The following TMEM132C variants were observed in gnomAD, a reference collection of about 807,000 sequenced individuals.
TMEM132C encodes transmembrane protein 132C, also known as protein phosphatase 1, regulatory subunit 152.
A neutral mutation model predicts 61.4 loss-of-function variants in TMEM132C; 29 were observed. The ratio of observed to expected loss-of-function variants is 0.47; its 90% CI spans 0.35 to 0.64. The LOEUF (loss-of-function observed/expected upper bound fraction) is 0.64. Ranked by LOEUF, TMEM132C falls within the 30% of genes least tolerant of loss-of-function variation. The pLI, the probability that TMEM132C is intolerant of heterozygous loss-of-function variation, is 0.00. For synonymous variants in TMEM132C, 656 were observed against 633.1 expected (o/e 1.04, Z -0.54); for missense variants, 1,408 against 1,476.9 (o/e 0.95, Z 0.76).
At chr12:128,269,933 C>T (rs1870454814) in intron 1 of TMEM132C, among the ~76,000 whole-genome samples, 1 of 152,038 alleles carries the variant, frequency 6.6e-6, no homozygotes, top group South Asian at 2.1e-4. Flanking sequence ...TTATTTTTGA[C>T]TGTGGATTTA....
chr12:128,629,848 C>T (rs1954051225), intron 4 of TMEM132C, among the ~76,000 whole-genome samples: 1 of 151,904 alleles, frequency 6.6e-6, no homozygotes, highest in Non-Finnish European at 1.5e-5. Context: ...CACCTGTAAT[C>T]CCAGCTACTC....
Position 128,616,195 on chromosome 12 carries a change from A to G in TMEM132C, c.1165A>G (p.Ile389Val). 1 of 1,551,768 alleles carries G rather than the reference A, an allele frequency of 6.4e-7. No homozygotes were observed. The highest frequency in any genetic ancestry group is 2.4e-5 in the East Asian group (1 of 40,926). Residue 389 changes from isoleucine to valine, a missense_variant, in exon 4 of 9, where the codon ATA becomes GTA. Coordinates refer to ENST00000435159, the MANE Select transcript of TMEM132C (RefSeq NM_001136103.3). ...TGAGGTTGTGCAGATGAACTTTGAAATAGCCAGTTTCAGCAGCCTTTCAGG... is the reference window on the plus strand; with the variant it reads ...TGAGGTTGTGCAGATGAACTTTGAAGTAGCCAGTTTCAGCAGCCTTTCAGG... ...FNEVVQMNFE[I>V]ASFSSLSGTQ...
At chr12:128,617,536 A>C (rs1263065959) in intron 4 of TMEM132C, among the ~76,000 whole-genome samples, 1 of 151,700 alleles carries the variant, frequency 6.6e-6, no homozygotes, top group Non-Finnish European at 1.5e-5. Context: ...CAGGTGAAGG[A>C]GATGTAGCAG....
Position 128,364,230 on chromosome 12 carries a change from TTCCTCCTTCTCC to T in TMEM132C, c.86-50487_86-50476del, listed in dbSNP as rs370453338. Among the ~76,000 whole-genome samples, 823 of 151,886 alleles carry T rather than the reference TTCCTCCTTCTCC, an allele frequency of 5.4e-3. 5 individuals are homozygous for T. Among genetic ancestry groups the T allele is most frequent in the African/African-American group, 0.019 (791 of 41,322 alleles). ...TCAGATTCTCTCTCTCTCTGTTTTCTTCCTCCTTCTCCTCCTCCTTCTCCTCTCTTCCTCTCA... is the reference window on the plus strand; with the variant it reads ...TCAGATTCTCTCTCTCTCTGTTTTCTTCCTCCTTCTCCTCTCTTCCTCTCA... On this transcript the variant is annotated intron_variant, in intron 1 of 8. Transcript: ENST00000435159.
intron 2 of TMEM132C, among the ~76,000 whole-genome samples, chr12:128,464,903 G>C (rs989325999): frequency 3.3e-5 from 5 of 151,964 alleles, no homozygotes; most frequent in African/African-American, 1.2e-4. Flanking sequence ...GTACCACTTA[G>C]GGACAACGGT....
intron 3 of TMEM132C, among the ~76,000 whole-genome samples, chr12:128,557,794 C>G (rs1874378894): frequency 6.6e-6 from 1 of 152,230 alleles, no homozygotes; most frequent in South Asian, 2.1e-4. Flanking sequence ...CAGTGGCAAA[C>G]TGCAGTAGAA....
intron 2 of TMEM132C, among the ~76,000 whole-genome samples, chr12:128,449,266 T>TG (rs886830340): frequency 7.2e-5 from 11 of 152,032 alleles, no homozygotes; most frequent in African/African-American, 2.4e-4. Flanking sequence ...AAGGCTGCTC[T>TG]GGGGGGCATG....
chr12:128,410,075 T>C (rs1241399814), intron 1 of TMEM132C, among the ~76,000 whole-genome samples: 2 of 151,896 alleles, frequency 1.3e-5, no homozygotes, highest in South Asian at 2.1e-4. Flanking sequence ...TTCCAACAAA[T>C]GAATAAATAT....
intron 1 of TMEM132C, among the ~76,000 whole-genome samples, chr12:128,299,328 C>A (rs796909689): frequency 6.0e-4 from 92 of 152,258 alleles, no homozygotes; most frequent in African/African-American, 2.1e-3. Context: ...CAAGAAACAC[C>A]TGATCCCTGG....
At chr12:128,681,508 C>A (rs1954633869) in intron 5 of TMEM132C, among the ~76,000 whole-genome samples, 1 of 152,136 alleles carries the variant, frequency 6.6e-6, no homozygotes, top group Admixed American at 6.6e-5. Context: ...TCTGGGATGG[C>A]TGGATCCAGG....
chr12:128,547,069 C>T (rs997752979), intron 3 of TMEM132C, among the ~76,000 whole-genome samples: 9 of 152,114 alleles, frequency 5.9e-5, no homozygotes, highest in East Asian at 1.9e-4. Flanking sequence ...TCTTGGTAGC[C>T]GAGGAGGTCT....
At chr12:128,624,627 C>T (rs1183350802) in intron 4 of TMEM132C, among the ~76,000 whole-genome samples, 2 of 151,444 alleles carry the variant, frequency 1.3e-5, no homozygotes, top group African/African-American at 4.9e-5. Flanking sequence ...ACTCAGAAAC[C>T]TTTGCTTGGC....
intron 3 of TMEM132C, among the ~76,000 whole-genome samples, chr12:128,574,855 A>G (rs1333509379): frequency 1.3e-5 from 2 of 152,120 alleles, no homozygotes; most frequent in Non-Finnish European, 2.9e-5. Context: ...GCCACTCCTC[A>G]TTACTTTAGG....
chr12:128,600,140 G>A (rs573833097), intron 3 of TMEM132C, among the ~76,000 whole-genome samples: 17 of 152,136 alleles, frequency 1.1e-4, no homozygotes, highest in South Asian at 4.2e-4. Context: ...CCGCCACTGC[G>A]CCCGGCTAAT....
At position 128,705,896 on chromosome 12, in the gene TMEM132C, T is replaced by G; in HGVS notation, c.2928T>G (p.Asn976Lys). ...THSHDWVWLG[N>K]EAELLESMGD... ...CTCACGACTGGGTGTGGCTTGGCAA[T>G]GAGGCCGAACTCCTGGAGAGCATGG... is the stretch of plus-strand genomic sequence containing the variant. The change falls in exon 9 of 9, where the codon AAT becomes AAG. Residue 976 changes from asparagine (N) to lysine (K), a missense_variant. Coordinates refer to ENST00000435159, the MANE Select transcript of TMEM132C (RefSeq NM_001136103.3). 1 of 1,551,290 alleles carries G rather than the reference T, an allele frequency of 6.4e-7. No individual in the cohort carries two copies. Among genetic ancestry groups the G allele is most frequent in the Non-Finnish European group, 8.7e-7 (1 of 1,146,966 alleles).
At chr12:128,314,638 A>AAGGAG (rs1026599271) in intron 1 of TMEM132C, among the ~76,000 whole-genome samples, 7 of 152,238 alleles carry the variant, frequency 4.6e-5, no homozygotes, top group African/African-American at 9.6e-5. Context: ...GTATGTTTAT[A>AAGGAG]AGGAGAGGAG....
chr12:128,524,477 G>A (rs996971175), intron 2 of TMEM132C, among the ~76,000 whole-genome samples: 1 of 152,038 alleles, frequency 6.6e-6, no homozygotes, highest in Non-Finnish European at 1.5e-5. Context: ...TATGGCCCTG[G>A]GTATTACTTC....
rs115371519 is a variant in TMEM132C, at chr12:128,276,040, G to A, written c.85+8553G>A. 5.0e-3 allele frequency among the ~76,000 whole-genome samples: 763 copies of A among 152,150 alleles called. 3 individuals carry two copies. The highest frequency in any genetic ancestry group is 0.017 in the African/African-American group (723 of 41,496). On this transcript the variant is annotated intron_variant, in intron 1 of 8. Transcript: ENST00000435159. ...TACCTGTCTGTCTTATAAGGATACC[G>A]GTCATTGGATTTATAACCCACTGTA...
intron 2 of TMEM132C, among the ~76,000 whole-genome samples, chr12:128,533,705 TC>T (rs1432820678): frequency 6.6e-6 from 1 of 152,152 alleles, no homozygotes; most frequent in East Asian, 1.9e-4. Flanking sequence ...AAGATCTATC[TC>T]CATATACGGT....
Sources: allele counts gnomAD v4.1 joint callset (sites outside exome capture counted in the v4.1 genomes callset), GRCh38; gene constraint gnomAD v4.1.1; transcripts MANE v1.5; gene names NCBI Gene and HGNC (gene_info 2026-07-23, HGNC 2026-07-21).